Variants in BCOR observed in about 807,000 individuals in gnomAD.
BCOR encodes BCL-6 corepressor.
A neutral mutation model predicts 86.7 loss-of-function variants in BCOR; 10 were observed. That is an observed-to-expected ratio of 0.12 (90% confidence interval 0.07 to 0.20). The LOEUF (loss-of-function observed/expected upper bound fraction) is 0.20, where lower values mean the gene tolerates loss of function less well. Ranked by LOEUF, BCOR falls within the 10% of genes least tolerant of loss-of-function variation. The pLI, the probability that BCOR is intolerant of heterozygous loss-of-function variation, is 1.00. For missense variants in BCOR, 1,259 were observed against 1,452.1 expected (o/e 0.87, Z 2.16); for synonymous variants, 611 against 609.0 (o/e 1.00, Z -0.05).
chrX:40,099,520 G>A (rs1429781006), upstream of BCOR, among the ~76,000 whole-genome samples: 1 of 112,234 alleles, frequency 8.9e-6, no homozygotes, highest in African/African-American at 3.2e-5. Flanking sequence ...TGAAATGGAG[G>A]TGGCTTGTAA....
chrX:40,121,768 AAG>A (rs1937490142), intron 1 of BCOR, among the ~76,000 whole-genome samples: 1 of 112,268 alleles, frequency 8.9e-6, no homozygotes, highest in Non-Finnish European at 1.9e-5. Context: ...GTATGGGGGA[AAG>A]AGAGTTTCAG....
chrX:40,103,762 G>A (rs1382077626), intron 1 of BCOR, among the ~76,000 whole-genome samples: 1 of 111,165 alleles, frequency 9.0e-6, no homozygotes, highest in African/African-American at 3.3e-5. Context: ...AAGGCGAGAA[G>A]GGGGTGGGGA....
chrX:40,143,929 C>A (rs1233841033), intron 1 of BCOR, among the ~76,000 whole-genome samples: 5 of 112,577 alleles, frequency 4.4e-5, no homozygotes, highest in Admixed American at 2.8e-4. Flanking sequence ...TGCACTCCAG[C>A]CTGGGCAAAA....
chrX:40,080,851 TG>T lies in BCOR; in HGVS notation c.-40-2883del, dbSNP rs1328679904. Among the ~76,000 whole-genome samples, 9 of 102,591 alleles carry T rather than the reference TG, an allele frequency of 8.8e-5. No individual in the cohort carries two copies. The East Asian group carries it at 1.8e-3, about 21-fold the overall frequency. The allele number at this position is 102,591 out of a possible 115,157, so 89.1% of individuals were successfully genotyped here. On this transcript the variant is annotated intron_variant, in intron 1 of 14. Transcript: ENST00000378444. ...GTGTGTGTGTGTGTGTGTGTGTGTG[TG>T]TGTGTGTGTGTGTTTTGGGAGGGAA... is the stretch of plus-strand genomic sequence containing the variant.
intron 1 of BCOR, among the ~76,000 whole-genome samples, chrX:40,127,480 A>G (rs1413160862): frequency 8.9e-6 from 1 of 112,324 alleles, no homozygotes; most frequent in Non-Finnish European, 1.9e-5. Context: ...TTGTTGCTTT[A>G]AGCTACTATG....
chrX:40,120,642 C>G (rs767990226), intron 1 of BCOR, among the ~76,000 whole-genome samples: 1 of 111,749 alleles, frequency 8.9e-6, no homozygotes, highest in Non-Finnish European at 1.9e-5. Context: ...CAACCACACC[C>G]GCAAATAACC....
chrX:40,061,806 G>C (rs1055596999), intron 10 of BCOR, among the ~76,000 whole-genome samples: 12 of 110,088 alleles, frequency 1.1e-4, no homozygotes, highest in African/African-American at 4.0e-4. Flanking sequence ...AATCCAAAAG[G>C]GCTCATTAAA....
intron 1 of BCOR, among the ~76,000 whole-genome samples, chrX:40,152,207 G>T (rs955428144): frequency 9.0e-6 from 1 of 111,530 alleles, no homozygotes; most frequent in Non-Finnish European, 1.9e-5. Flanking sequence ...AGTCCTGCAA[G>T]GGGACAGGCG....
At chrX:40,106,063 G>A (rs1937175532) in intron 1 of BCOR, among the ~76,000 whole-genome samples, 2 of 112,089 alleles carry the variant, frequency 1.8e-5, no homozygotes, top group Non-Finnish European at 3.8e-5. Flanking sequence ...GGGACGTAGG[G>A]TCGGCTGCGG....
intron 1 of BCOR, among the ~76,000 whole-genome samples, chrX:40,085,458 G>A (rs2147494298): frequency 9.0e-6 from 1 of 111,677 alleles, no homozygotes; most frequent in South Asian, 3.7e-4. Context: ...CATAAAAAGA[G>A]ACCAATTTAT....
intron 1 of BCOR, among the ~76,000 whole-genome samples, chrX:40,170,950 A>C (rs1188560964): frequency 1.8e-5 from 2 of 111,864 alleles, no homozygotes; most frequent in Non-Finnish European, 3.8e-5. Context: ...GTTGAGCCGC[A>C]TTTACAAAGT....
chrX:40,068,893 C>T (rs963102407), intron 6 of BCOR, among the ~76,000 whole-genome samples: 2 of 113,256 alleles, frequency 1.8e-5, no homozygotes, highest in Non-Finnish European at 3.7e-5. Flanking sequence ...ACGCAGGCAG[C>T]TGAGGCCGCA....
intron 11 of BCOR, among the ~76,000 whole-genome samples, chrX:40,056,012 G>A (rs1303433714): frequency 2.8e-5 from 3 of 109,025 alleles, no homozygotes; most frequent in East Asian, 2.9e-4. Flanking sequence ...TAGGGACGGG[G>A]TCTTACTATG....
chrX:40,126,214 C>CA (rs753237058), intron 1 of BCOR, among the ~76,000 whole-genome samples: 1,714 of 34,958 alleles, frequency 0.049, 26 homozygotes, highest in African/African-American at 0.067. Context: ...GACTCCGTCT[C>CA]AAAAAAAAAA....
rs761673955 is a variant in BCOR, at chrX:40,062,369, G to A, written c.4198C>T (p.Arg1400Trp). 3.3e-5 allele frequency: 40 copies of A among 1,202,896 alleles called. No homozygotes were observed. Among genetic ancestry groups the A allele is most frequent in the Non-Finnish European group, 4.3e-5 (38 of 892,168 alleles). ...TCATAGTCCGAACTGGGCTCCGGCC[G>A]CTTTCTGAATCTCCGGACAGTCACC... Reference protein sequence around the residue: ...GKVTVRRFRKRPEPSSDYDLS... With the variant: ...GKVTVRRFRKWPEPSSDYDLS... Residue 1400 changes from arginine to tryptophan, a missense_variant, in exon 10 of 15, where the codon CGG (arginine) becomes TGG (tryptophan). This residue lies in a region of BCOR where 305 missense variants were observed against 286.1 expected (regional missense o/e 1.07). Coordinates refer to ENST00000378444, the MANE Select transcript of BCOR (RefSeq NM_001123385.2).
At chrX:40,116,268 C>T (rs374738362) in intron 1 of BCOR, among the ~76,000 whole-genome samples, 6 of 111,521 alleles carry the variant, frequency 5.4e-5, no homozygotes, top group Admixed American at 1.9e-4. Context: ...GAGGCCGAGG[C>T]GGGTGGATCA....
chrX:40,075,313 C>A, intron 3 of BCOR, 133 bp from the exon 4 acceptor site: 3 of 81,839 alleles, frequency 3.7e-5, no homozygotes, highest in South Asian at 1.7e-4. Flanking sequence ...AGGCTTCCGG[C>A]GGGGCGGGGG....
chrX:40,088,803 C>A (rs1936470476), intron 1 of BCOR, among the ~76,000 whole-genome samples: 1 of 112,134 alleles, frequency 8.9e-6, no homozygotes, highest in South Asian at 3.7e-4. Context: ...CCAGGCCACC[C>A]CCTCTCACCT....
chrX:40,067,584 T>C (rs957756528), intron 6 of BCOR, among the ~76,000 whole-genome samples: 3 of 112,131 alleles, frequency 2.7e-5, no homozygotes, highest in East Asian at 5.6e-4. Context: ...CCACACGCAG[T>C]GTAGATGCTT....
Sources: gnomAD v4.1 joint callset for allele counts (sites outside exome capture counted in the v4.1 genomes callset) on GRCh38, gnomAD v4.1.1 for gene constraint, gnomAD v4.1.1 regional missense constraint, MANE v1.5 for transcripts, NCBI Gene and HGNC (gene_info 2026-07-23, HGNC 2026-07-21) for gene names.